The following IRF2BP2 variants were observed in gnomAD, a reference collection of about 807,000 sequenced individuals.
The protein encoded by IRF2BP2 is interferon regulatory factor 2 binding protein 2, also known as interferon regulatory factor 2-binding protein 2.
In IRF2BP2, 13 loss-of-function variants were observed where a neutral mutation model predicts 32.7. The ratio of observed to expected loss-of-function variants is 0.40; its 90% CI spans 0.26 to 0.63. IRF2BP2 has a LOEUF of 0.63. IRF2BP2 is among the 30% of genes least tolerant of loss of function. IRF2BP2 has a pLI of 0.42. For synonymous variants in IRF2BP2, 555 were observed against 384.6 expected (o/e 1.44, Z -5.18); for missense variants, 980 against 830.6 (o/e 1.18, Z -2.21).
chr1:234,606,926 C>T lies in IRF2BP2; in HGVS notation c.*211G>A, dbSNP rs890219357. 6 of 459,022 alleles carry T rather than the reference C, an allele frequency of 1.3e-5. No individual in the cohort carries two copies. Among genetic ancestry groups the T allele is most frequent in the African/African-American group, 5.9e-5 (3 of 50,686 alleles). The allele number at this position is 459,022 out of a possible 1,614,324, so 28.4% of individuals were successfully genotyped here. A position where few individuals can be genotyped will look rare whatever the true frequency, so the allele number is the denominator to read the frequency against. On this transcript the variant is annotated 3_prime_UTR_variant, in exon 2 of 2. Transcript: ENST00000366609. ...CACAAAGATATGCTAATAACGTTAACAAAAGAAAAAAATGTCTTTATAAGT... is the reference window on the plus strand; with the variant it reads ...CACAAAGATATGCTAATAACGTTAATAAAAGAAAAAAATGTCTTTATAAGT...
chr1:234,604,414 C>T lies in IRF2BP2; in HGVS notation c.*2723G>A, dbSNP rs772882621. 17 of 152,146 alleles carry T rather than the reference C, an allele frequency of 1.1e-4. No homozygotes were observed. Among genetic ancestry groups the T allele is most frequent in the Non-Finnish European group, 1.8e-4 (12 of 68,030 alleles). 9.4% of individuals were successfully genotyped at this position (152,146 alleles called of 1,614,324 possible). A position where few individuals can be genotyped will look rare whatever the true frequency, so the allele number is the denominator to read the frequency against. Reference sequence around the variant, plus strand: ...ATGTTGGTATCTGAGATTACACTCACTTCAGTTGACATGAGTTTCATCATA... The same window carrying T: ...ATGTTGGTATCTGAGATTACACTCATTTCAGTTGACATGAGTTTCATCATA... On this transcript the variant is annotated 3_prime_UTR_variant, in exon 2 of 2. Transcript: ENST00000366609.
Position 234,608,659 on chromosome 1 carries a change from G to A in IRF2BP2, c.836C>T (p.Ala279Val), listed in dbSNP as rs764737535. 2.6e-6 allele frequency: 4 copies of A among 1,532,312 alleles called. No homozygotes were observed. In the African/African-American group the frequency reaches 4.3e-5, roughly 16 times the overall value. The allele number at this position is 1,532,312 out of a possible 1,614,324, so 94.9% of individuals were successfully genotyped here. Reference protein sequence around the residue: ...PADSLSTAAGAAELSAEGAGK... With the variant: ...PADSLSTAAGVAELSAEGAGK... ...CGCACCTTCCGCGCTCAGCTCGGCGGCCCCGGCCGCGGTGGACAGGCTGTC... is the reference window on the plus strand; with the variant it reads ...CGCACCTTCCGCGCTCAGCTCGGCGACCCCGGCCGCGGTGGACAGGCTGTC... Residue 279 changes from alanine to valine, a missense_variant, in exon 1 of 2, where the codon GCC (alanine) becomes GTC (valine). Ala to Val is a moderately conservative substitution (Grantham distance 64). Coordinates refer to ENST00000366609, the MANE Select transcript of IRF2BP2 (RefSeq NM_182972.3).
rs1672269002 is a variant in IRF2BP2, at chr1:234,609,180, C to T, written c.315G>A (p.Glu105=). Residue 105 remains glutamate (E), a synonymous_variant, in exon 1 of 2, where the codon GAG becomes GAA. Transcript: ENST00000366609. ...AGGCCTGCGGCGCGCGCGGGGCCGCCTCGGGGCCGCCGTGGCCAAGCTGCT... is the reference window on the plus strand; with the variant it reads ...AGGCCTGCGGCGCGCGCGGGGCCGCTTCGGGGCCGCCGTGGCCAAGCTGCT... ...QQQQLGHGGP[E]AAPRAPQALE... is the part of the protein sequence containing the mutation. 2 of 1,288,330 alleles carry T rather than the reference C, an allele frequency of 1.6e-6. No homozygotes were observed. Among genetic ancestry groups the T allele is most frequent in the African/African-American group, 3.1e-5 (2 of 63,888 alleles). 79.8% of individuals were successfully genotyped at this position (1,288,330 alleles called of 1,614,324 possible).
rs778752231 is a variant in IRF2BP2, at chr1:234,609,002, G to A, written c.493C>T (p.Leu165=). The change falls in exon 1 of 2, where the codon CTA becomes TTA. Residue 165 remains leucine (L), a synonymous_variant. Coordinates refer to ENST00000366609, the MANE Select transcript of IRF2BP2 (RefSeq NM_182972.3). ...GILVPNGFSK[L]EEPPELNRQS... ...CGATTCAGCTCGGGCGGCTCCTCTA[G>A]CTTGGAGAAGCCGTTGGGCACCAGG... 14 of 1,338,454 alleles carry A rather than the reference G, an allele frequency of 1.0e-5. No homozygotes were observed. Among genetic ancestry groups the A allele is most frequent in the Non-Finnish European group, 1.1e-5 (12 of 1,049,528 alleles). The allele number at this position is 1,338,454 out of a possible 1,614,324, so 82.9% of individuals were successfully genotyped here.
rs1426144159 is a variant in IRF2BP2, at chr1:234,609,915, G to T, written c.-421C>A. 7.0e-6 allele frequency among the ~76,000 whole-genome samples: 1 copy of T among 142,296 alleles called. No individual in the cohort carries two copies. The highest frequency in any genetic ancestry group is 1.6e-5 in the Non-Finnish European group (1 of 64,104). 93.4% of individuals were successfully genotyped at this position (142,296 alleles called of 152,430 possible). A position where few individuals can be genotyped will look rare whatever the true frequency, so the allele number is the denominator to read the frequency against. ...GGCGGCCGGCACGGAGTGCGGGGCG[G>T]GGGGCGGGGAGGCCGGGGGGGCAGG... On this transcript the variant is annotated 5_prime_UTR_variant, in exon 1 of 2. Coordinates refer to ENST00000366609, the MANE Select transcript of IRF2BP2 (RefSeq NM_182972.3).
chr1:234,609,445 T>A lies in IRF2BP2; in HGVS notation c.50A>T (p.Tyr17Phe). 1 of 1,540,212 alleles carries A rather than the reference T, an allele frequency of 6.5e-7. No homozygotes were observed. The highest frequency in any genetic ancestry group is 8.7e-7 in the Non-Finnish European group (1 of 1,146,356). ...GGGCATGCGGGGCAGGTCACACAGG[T>A]AGCACGACTGCCGCCGGGACGCGGC... ...VAAASRRQSCYLCDLPRMPWA... is the reference protein window; with the variant it reads ...VAAASRRQSCFLCDLPRMPWA... Residue 17 changes from tyrosine to phenylalanine, a missense_variant, in exon 1 of 2, where the codon TAC becomes TTC. Coordinates refer to ENST00000366609, the MANE Select transcript of IRF2BP2 (RefSeq NM_182972.3).
chr1:234,606,549 CT>C lies in IRF2BP2; in HGVS notation c.*587del, dbSNP rs573572453. 73 of 152,252 alleles carry C rather than the reference CT, an allele frequency of 4.8e-4. No individual in the cohort carries two copies. The highest frequency in any genetic ancestry group is 1.5e-3 in the African/African-American group (64 of 41,536). 9.4% of individuals were successfully genotyped at this position (152,252 alleles called of 1,614,324 possible). ...AGTCATCAGTATCTCAGGAACTGAA[CT>C]TTTGAGCAAAATAGAGATTCAAAAT... On this transcript the variant is annotated 3_prime_UTR_variant, in exon 2 of 2. Transcript: ENST00000366609.
rs980620517 is a variant in IRF2BP2, at chr1:234,604,403, G to A, written c.*2734C>T. 4 of 152,106 alleles carry A rather than the reference G, an allele frequency of 2.6e-5. No individual in the cohort carries two copies. Among genetic ancestry groups the A allele is most frequent in the Admixed American group, 6.5e-5 (1 of 15,268 alleles). The allele number at this position is 152,106 out of a possible 1,614,324, so 9.4% of individuals were successfully genotyped here. On this transcript the variant is annotated 3_prime_UTR_variant, in exon 2 of 2. Coordinates refer to ENST00000366609, the MANE Select transcript of IRF2BP2 (RefSeq NM_182972.3). ...AAAATATAATAATGTTGGTATCTGAGATTACACTCACTTCAGTTGACATGA... is the reference window on the plus strand; with the variant it reads ...AAAATATAATAATGTTGGTATCTGAAATTACACTCACTTCAGTTGACATGA...
In IRF2BP2 at chr1:234,610,156, CG is replaced by C. The variant is rs1672314720; in HGVS notation, c.-663del. ...CCGCCACCGTCGCTGCTGCTGCTGC[CG>C]CCGCGACCGCTCCACTTCTACAGAC... On this transcript the variant is annotated 5_prime_UTR_variant, in exon 1 of 2. Transcript: ENST00000366609. Among the ~76,000 whole-genome samples, 2 of 148,460 alleles carry C rather than the reference CG, an allele frequency of 1.3e-5. No homozygotes were observed. Among genetic ancestry groups the C allele is most frequent in the African/African-American group, 4.9e-5 (2 of 41,086 alleles).
rs765466906 is a variant in IRF2BP2 at position 234,609,031 on chromosome 1, C to T, written c.464G>A (p.Gly155Asp). The T allele has an allele frequency of 2.1e-5, 28 of 1,316,934 alleles. No individual in the cohort carries two copies. Among genetic ancestry groups the T allele is most frequent in the Non-Finnish European group, 2.7e-5 (28 of 1,035,834 alleles). 81.6% of individuals were successfully genotyped at this position (1,316,934 alleles called of 1,614,324 possible). A position where few individuals can be genotyped will look rare whatever the true frequency, so the allele number is the denominator to read the frequency against. The change falls in exon 1 of 2, where the codon GGC (glycine) becomes GAC (aspartate). Residue 155 changes from glycine (G) to aspartate (D), a missense_variant. Physicochemically the swap from Gly to Asp is moderately conservative, Grantham distance 94. Transcript: ENST00000366609. ...PPTPQPPPVN[G>D]ILVPNGFSKL... ...GGAGAAGCCGTTGGGCACCAGGATG[C>T]CGTTCACGGGCGGCGGCTGCGGCGT...
At chr1:234,607,889 T>G (rs994109851) in intron 1 of IRF2BP2, 37 bp from the exon 2 acceptor site, 2 of 1,457,964 alleles carry the variant, frequency 1.4e-6, no homozygotes, top group African/African-American at 2.8e-5. Flanking sequence ...AAAGGTAACA[T>G]AAGTGGCGGT....
Position 234,609,172 on chromosome 1 carries a change from G to A in IRF2BP2, c.323C>T (p.Pro108Leu). The change falls in exon 1 of 2, where the codon CCG (proline) becomes CTG (leucine). Residue 108 changes from proline to leucine, a missense_variant. Transcript: ENST00000366609. ...QLGHGGPEAA[P>L]RAPQALERYP... ...GCGCTCCAAGGCCTGCGGCGCGCGCGGGGCCGCCTCGGGGCCGCCGTGGCC... is the reference window on the plus strand; with the variant it reads ...GCGCTCCAAGGCCTGCGGCGCGCGCAGGGCCGCCTCGGGGCCGCCGTGGCC... The A allele has an allele frequency of 1.6e-6, 2 of 1,276,450 alleles. No individual in the cohort carries two copies. The highest frequency in any genetic ancestry group is 2.0e-6 in the Non-Finnish European group (2 of 1,015,064). 79.1% of individuals were successfully genotyped at this position (1,276,450 alleles called of 1,614,324 possible).
intron 1 of IRF2BP2, 72 bp downstream of exon 1, chr1:234,608,375 A>G (rs908790301): frequency 2.4e-6 from 3 of 1,259,022 alleles, no homozygotes; most frequent in Non-Finnish European, 3.2e-6. Context: ...TGGTGAATCC[A>G]AAGAACCACC....
rs1316888321 is a variant in IRF2BP2 at position 234,608,321 on chromosome 1, A to G, written c.1048+126T>C. The G allele has an allele frequency of 1.5e-5, 12 of 781,688 alleles. No individual in the cohort carries two copies. The East Asian group carries it at 3.0e-4, about 19-fold the overall frequency. The allele number at this position is 781,688 out of a possible 1,614,324, so 48.4% of individuals were successfully genotyped here. ...ACCAAGCACTGGTTCCGCCTCAGGCAGATCAGGAAGTGGGGTGTTTGTTGT... is the reference window on the plus strand; with the variant it reads ...ACCAAGCACTGGTTCCGCCTCAGGCGGATCAGGAAGTGGGGTGTTTGTTGT... On this transcript the variant is annotated intron_variant, in intron 1 of 1. Transcript: ENST00000366609.
In IRF2BP2 at chr1:234,609,537, G is replaced by A. The variant is rs1470215863; in HGVS notation, c.-43C>T. Reference sequence around the variant, plus strand: ...CGCCGGAGGAGGAGGCGGAGGAGGAGGAGGGGGCGCCGCCGCCGCCCCCCA... The same window carrying A: ...CGCCGGAGGAGGAGGCGGAGGAGGAAGAGGGGGCGCCGCCGCCGCCCCCCA... On this transcript the variant is annotated 5_prime_UTR_variant, in exon 1 of 2. Coordinates refer to ENST00000366609, the MANE Select transcript of IRF2BP2 (RefSeq NM_182972.3). The A allele has an allele frequency of 2.8e-5, 36 of 1,263,780 alleles. No homozygotes were observed. Among genetic ancestry groups the A allele is most frequent in the Middle Eastern group, 5.8e-4 (2 of 3,446 alleles). The allele number at this position is 1,263,780 out of a possible 1,614,324, so 78.3% of individuals were successfully genotyped here.
rs1354637197 is a variant in IRF2BP2 at position 234,607,849 on chromosome 1, G to C, written c.1052C>G (p.Ala351Gly). The change falls in exon 2 of 2, where the codon GCA becomes GGA. Residue 351 changes from alanine (A) to glycine (G), a missense_variant. Physicochemically the swap from Ala to Gly is moderately conservative, Grantham distance 60. Transcript: ENST00000366609. ...ANGANGSKAV[A>G]RTARKRKPSP... ...GGGCTTCCTTTTCCTTGCTGTTCTT[G>C]CAACTGGAAACACAAAGAAATAAAA... The C allele has an allele frequency of 1.3e-6, 2 of 1,559,954 alleles. No homozygotes were observed. Among genetic ancestry groups the C allele is most frequent in the Admixed American group, 2.0e-5 (1 of 49,858 alleles).
Position 234,609,526 on chromosome 1 carries a change from G to A in IRF2BP2, c.-32C>T. 7 of 1,382,652 alleles carry A rather than the reference G, an allele frequency of 5.1e-6. No homozygotes were observed. The highest frequency in any genetic ancestry group is 3.1e-5 in the East Asian group (1 of 31,958). 85.6% of individuals were successfully genotyped at this position (1,382,652 alleles called of 1,614,324 possible). On this transcript the variant is annotated 5_prime_UTR_variant, in exon 1 of 2. Transcript: ENST00000366609. ...GGAGCCCGCGACGCCGGAGGAGGAG[G>A]CGGAGGAGGAGGAGGGGGCGCCGCC...
chr1:234,609,419 A>G lies in IRF2BP2; in HGVS notation c.76T>C (p.Trp26Arg). 6.4e-7 allele frequency: 1 copy of G among 1,562,796 alleles called. No individual in the cohort carries two copies. Among genetic ancestry groups the G allele is most frequent in the Non-Finnish European group, 8.6e-7 (1 of 1,157,214 alleles). ...CYLCDLPRMP[W>R]AMIWDFTEPV... ...TCGGTGAAGTCCCAGATCATGGCCC[A>G]GGGCATGCGGGGCAGGTCACACAGG... The change falls in exon 1 of 2, where the codon TGG becomes CGG. Residue 26 changes from tryptophan to arginine, a missense_variant. Trp to Arg is a moderately radical substitution (Grantham distance 101). Coordinates refer to ENST00000366609, the MANE Select transcript of IRF2BP2 (RefSeq NM_182972.3).
At position 234,609,852 on chromosome 1, in the gene IRF2BP2, GGGCCGCGC is replaced by G. The variant is rs1368346816; in HGVS notation, c.-366_-359del. Among the ~76,000 whole-genome samples the G allele has an allele frequency of 7.1e-6, 1 of 141,708 alleles. No individual in the cohort carries two copies. The highest frequency in any genetic ancestry group is 1.6e-5 in the Non-Finnish European group (1 of 64,050). 93.0% of individuals were successfully genotyped at this position (141,708 alleles called of 152,430 possible). ...CGGGCCTCCAGACCGGGGCGAAGAC[GGGCCGCGC>G]GGGCGCGGGGGAGCGCAGCAGGTCG... On this transcript the variant is annotated 5_prime_UTR_variant, in exon 1 of 2. Coordinates refer to ENST00000366609, the MANE Select transcript of IRF2BP2 (RefSeq NM_182972.3).
Sources: gnomAD v4.1 joint callset for allele counts (sites outside exome capture counted in the v4.1 genomes callset) on GRCh38, gnomAD v4.1.1 for gene constraint, MANE v1.5 for transcripts, NCBI Gene and HGNC (gene_info 2026-07-23, HGNC 2026-07-21) for gene names.